Variants in CPED1 observed in about 807,000 individuals in gnomAD.
CPED1 encodes the protein cadherin like and PC-esterase domain containing 1, also known as cadherin-like and PC-esterase domain-containing protein 1.
Under a neutral mutation model 128.2 loss-of-function variants are expected in CPED1, and 114 were observed. That is an observed-to-expected ratio of 0.89 (90% CI 0.76 to 1.04). The LOEUF is 1.04. Among genes scored for constraint, CPED1 ranks in the 50% least tolerant of loss-of-function variants. The probability of loss-of-function intolerance (pLI) is 0.00; values close to 1 mark genes in which losing one functional copy is unlikely to be tolerated. For missense variants in CPED1, 1,211 were observed against 1,207.1 expected, an observed-to-expected ratio of 1.00 and a Z score of -0.05; for synonymous variants, 462 against 426.7, an observed-to-expected ratio of 1.08 and a Z score of -1.02.
At chr7:121,008,444 C>T (rs1385020946) in intron 2 of CPED1, among the ~76,000 whole-genome samples, 2 of 152,076 alleles carry the variant, frequency 1.3e-5, no homozygotes, top group Admixed American at 1.3e-4. Context: ...TCAAGGTCAA[C>T]AGCAAGGACC....
rs138281743 is a variant in CPED1, at chr7:121,102,615, T to C, written c.918+2521T>C. Among the ~76,000 whole-genome samples, 116 of 152,262 alleles carry C rather than the reference T, an allele frequency of 7.6e-4. 1 individual carries two copies. Among genetic ancestry groups the C allele is most frequent in the African/African-American group, 2.6e-3 (107 of 41,556 alleles). ...AGGAGTGAATGCCACATGTGACCAG[T>C]AACTCCATACAGTTTTTCCTCCTTT... On this transcript the variant is annotated intron_variant, in intron 7 of 22. Transcript: ENST00000310396.
At chr7:121,051,368 G>GT (rs1365818201) in intron 4 of CPED1, 3 of 332,918 alleles carry the variant, frequency 9.0e-6, no homozygotes, top group East Asian at 8.7e-5. Flanking sequence ...AAATGTAAAT[G>GT]CCTTTTTTTT....
chr7:121,268,179 G>C (rs1368110173), intron 21 of CPED1, among the ~76,000 whole-genome samples: 2 of 152,042 alleles, frequency 1.3e-5, no homozygotes, highest in African/African-American at 4.8e-5. Flanking sequence ...CTTTGATAAT[G>C]TCTTCCATGG....
At chr7:121,240,099 G>T (rs537055474) in intron 17 of CPED1, among the ~76,000 whole-genome samples, 1 of 152,282 alleles carries the variant, frequency 6.6e-6, no homozygotes, top group East Asian at 1.9e-4. Flanking sequence ...CAGAGTTATG[G>T]CTGTATAAAT....
chr7:121,222,387 C>G (rs929848147), intron 16 of CPED1, among the ~76,000 whole-genome samples: 3 of 152,018 alleles, frequency 2.0e-5, no homozygotes, highest in African/African-American at 4.8e-5. Context: ...AGTCAGGTAG[C>G]GTGATGCCTC....
chr7:121,242,547 G>A (rs1798421292), intron 17 of CPED1, among the ~76,000 whole-genome samples: 1 of 152,100 alleles, frequency 6.6e-6, no homozygotes, highest in Admixed American at 6.5e-5. Context: ...AGAGTCATAT[G>A]TATATGGAGA....
intron 3 of CPED1, among the ~76,000 whole-genome samples, chr7:121,022,348 T>C (rs1037363749): frequency 3.9e-5 from 6 of 152,000 alleles, no homozygotes; most frequent in Admixed American, 3.3e-4. Flanking sequence ...ATAAATATAG[T>C]ATTACATAGG....
At chr7:121,288,766 A>G (rs1320839494) in intron 22 of CPED1, among the ~76,000 whole-genome samples, 9 of 152,214 alleles carry the variant, frequency 5.9e-5, no homozygotes. Flanking sequence ...GCATGTAATT[A>G]GTATGCAGAC....
At chr7:121,047,023 T>C in intron 4 of CPED1, 30 bp downstream of exon 4, 1 of 1,378,584 alleles carries the variant, frequency 7.3e-7, no homozygotes, top group Non-Finnish European at 1.0e-6. Flanking sequence ...GCACAGATTT[T>C]ATCAGCCCTA....
intron 16 of CPED1, among the ~76,000 whole-genome samples, chr7:121,196,751 G>A (rs1392759794): frequency 6.6e-6 from 1 of 151,920 alleles, no homozygotes; most frequent in East Asian, 1.9e-4. Context: ...CCGTGCTACC[G>A]TACGCTGACA....
intron 2 of CPED1, among the ~76,000 whole-genome samples, chr7:120,997,613 A>C (rs982798497): frequency 6.6e-6 from 1 of 152,168 alleles, no homozygotes; most frequent in Non-Finnish European, 1.5e-5. Context: ...CTAATCCAAT[A>C]TGACTGGTGT....
intron 3 of CPED1, 142 bp downstream of exon 3, chr7:121,015,990 T>G (rs375608403): frequency 7.9e-6 from 4 of 506,360 alleles, no homozygotes; most frequent in African/African-American, 4.0e-5. Context: ...CATAGAAAAC[T>G]TATCTCTTTT....
intron 2 of CPED1, among the ~76,000 whole-genome samples, chr7:121,014,281 G>A (rs1248417869): frequency 3.3e-5 from 5 of 152,252 alleles, no homozygotes; most frequent in Non-Finnish European, 7.4e-5. Flanking sequence ...GGCCGGGTGC[G>A]GTGGCTCACG....
intron 3 of CPED1, among the ~76,000 whole-genome samples, chr7:121,028,832 C>G (rs1792661285): frequency 1.3e-5 from 2 of 152,102 alleles, no homozygotes; most frequent in African/African-American, 4.8e-5. Flanking sequence ...AAAAGAAGTA[C>G]ACTAATGAAT....
chr7:121,139,884 C>CCAAG (rs1393250853), intron 14 of CPED1, among the ~76,000 whole-genome samples: 2 of 151,952 alleles, frequency 1.3e-5, no homozygotes, highest in Admixed American at 1.3e-4. Flanking sequence ...TAAGGCAACA[C>CCAAG]CAAGATACTT....
At chr7:121,158,874 ATAAC>A (rs1439153389) in intron 16 of CPED1, among the ~76,000 whole-genome samples, 2 of 152,192 alleles carry the variant, frequency 1.3e-5, no homozygotes, top group African/African-American at 4.8e-5. Context: ...CCATATTTAA[ATAAC>A]TCCATGTAAT....
At chr7:121,149,660 C>T (rs1201919890) in intron 16 of CPED1, 3 of 152,224 alleles carry the variant, frequency 2.0e-5, no homozygotes, top group Admixed American at 2.0e-4. Flanking sequence ...ACTGTCTCTG[C>T]AGTATTCCCT....
chr7:121,106,838 C>T (rs1421620802), intron 7 of CPED1, among the ~76,000 whole-genome samples: 1 of 152,084 alleles, frequency 6.6e-6, no homozygotes, highest in East Asian at 1.9e-4. Context: ...CTTCCTCTTT[C>T]TGCCGTTGCC....
At chr7:121,267,780 T>G (rs1292539290) in intron 21 of CPED1, among the ~76,000 whole-genome samples, 1 of 152,020 alleles carries the variant, frequency 6.6e-6, no homozygotes, top group African/African-American at 2.4e-5. Flanking sequence ...CTGCTCTTGC[T>G]CAAGTGAAGG....
Sources: gnomAD v4.1 joint callset for allele counts (sites outside exome capture counted in the v4.1 genomes callset) on GRCh38, gnomAD v4.1.1 for gene constraint, MANE v1.5 for transcripts, NCBI Gene and HGNC (gene_info 2026-07-23, HGNC 2026-07-21) for gene names.